Variants in RGS6 observed in about 807,000 individuals in gnomAD.
RGS6 encodes the protein regulator of G-protein signaling 6.
Under a neutral mutation model 78.5 loss-of-function variants are expected in RGS6, and 30 were observed. The ratio of observed to expected loss-of-function variants is 0.38; its 90% CI spans 0.29 to 0.52. RGS6 has a LOEUF of 0.52. Among genes scored for constraint, RGS6 ranks in the 20% least tolerant of loss-of-function variants. The pLI, the probability that RGS6 is intolerant of heterozygous loss-of-function variation, is 0.85. For missense variants in RGS6, 495 were observed against 609.7 expected (o/e 0.81, Z 1.98); for synonymous variants, 206 against 206.0 (o/e 1.00, Z 0.00).
chr14:72,145,944 G>T (rs1274420333), intron 2 of RGS6, among the ~76,000 whole-genome samples: 1 of 152,194 alleles, frequency 6.6e-6, no homozygotes, highest in Non-Finnish European at 1.5e-5. Context: ...TTTGGGAAGG[G>T]ATGGTGTCTT....
chr14:72,255,024 C>A (rs1377177999), intron 2 of RGS6, among the ~76,000 whole-genome samples: 1 of 152,174 alleles, frequency 6.6e-6, no homozygotes, highest in African/African-American at 2.4e-5. Context: ...TTGAGGCTCA[C>A]AGTTCCCTGG....
intron 2 of RGS6, among the ~76,000 whole-genome samples, chr14:72,108,072 A>G (rs539452961): frequency 5.9e-5 from 9 of 152,190 alleles, no homozygotes; most frequent in South Asian, 2.1e-4. Context: ...CGTCAATGAC[A>G]TGACACTTGG....
chr14:72,040,895 A>G (rs896126264), intron 2 of RGS6, among the ~76,000 whole-genome samples: 4 of 152,134 alleles, frequency 2.6e-5, no homozygotes, highest in African/African-American at 9.7e-5. Context: ...TGTATTCTTC[A>G]GCTCAAGAAT....
intron 2 of RGS6, among the ~76,000 whole-genome samples, chr14:72,328,694 A>G (rs570127065): frequency 2.6e-5 from 4 of 152,284 alleles, no homozygotes; most frequent in South Asian, 2.1e-4. Flanking sequence ...CCCCAAACCA[A>G]CAGAGTCCTC....
At chr14:72,298,937 T>C (rs2065466834) in intron 2 of RGS6, among the ~76,000 whole-genome samples, 2 of 152,214 alleles carry the variant, frequency 1.3e-5, no homozygotes, top group Non-Finnish European at 2.9e-5. Flanking sequence ...AGTTTGTATT[T>C]ATGAGTGAAA....
chr14:72,291,131 T>C (rs1163227856), intron 2 of RGS6, among the ~76,000 whole-genome samples: 1 of 151,938 alleles, frequency 6.6e-6, no homozygotes. Context: ...ATGTTTCAAC[T>C]CGTCATTCCC....
At chr14:72,196,547 A>G (rs2040204685) in intron 2 of RGS6, among the ~76,000 whole-genome samples, 1 of 152,138 alleles carries the variant, frequency 6.6e-6, no homozygotes, top group Admixed American at 6.5e-5. Flanking sequence ...GGTCTTCTTG[A>G]CATCCGATTT....
chr14:72,247,703 T>C (rs847247), intron 2 of RGS6, among the ~76,000 whole-genome samples: 135,905 of 152,258 alleles, frequency 0.89, 60,857 homozygotes, highest in South Asian at 0.93. Context: ...TCTGTCCTCA[T>C]AAATGGATTA....
chr14:72,111,049 A>T (rs975476833), intron 2 of RGS6, among the ~76,000 whole-genome samples: 1 of 152,090 alleles, frequency 6.6e-6, no homozygotes, highest in Non-Finnish European at 1.5e-5. Context: ...ATCAAATCTG[A>T]ACTCCACTGT....
intron 3 of RGS6, among the ~76,000 whole-genome samples, chr14:72,420,116 T>G (rs1332257858): frequency 2.6e-5 from 4 of 152,218 alleles, no homozygotes; most frequent in Admixed American, 2.6e-4. Flanking sequence ...TCACTCAGTG[T>G]ACCAAGTTCG....
Position 72,037,689 on chromosome 14 carries a change from G to A in RGS6, c.84+72814G>A, listed in dbSNP as rs371395525. ...CCTCTGCAAATTTATCAAAAACTCA[G>A]TTGGTAAAACTGTAGTTGCCCATGG... On this transcript the variant is annotated intron_variant, in intron 2 of 17. Transcript: ENST00000553525. Among the ~76,000 whole-genome samples, 700 of 128,772 alleles carry A rather than the reference G, an allele frequency of 5.4e-3. 4 individuals are homozygous for A. Among genetic ancestry groups the A allele is most frequent in the African/African-American group, 0.018 (641 of 36,160 alleles). 84.5% of individuals were successfully genotyped at this position (128,772 alleles called of 152,430 possible). A position where few individuals can be genotyped will look rare whatever the true frequency, so the allele number is the denominator to read the frequency against.
At chr14:72,573,338 CTT>C in the RGS6 span, among the ~76,000 whole-genome samples, 2 of 152,176 alleles carry the variant, frequency 1.3e-5, no homozygotes, top group Non-Finnish European at 2.9e-5. Flanking sequence ...AGTGGGAAGA[CTT>C]GGGTTCACCA....
chr14:72,363,565 G>A (rs2081914499), intron 3 of RGS6, among the ~76,000 whole-genome samples: 1 of 152,224 alleles, frequency 6.6e-6, no homozygotes, highest in Non-Finnish European at 1.5e-5. Context: ...CAAAAGATCA[G>A]AGGAAACAGT....
At chr14:72,190,587 T>C (rs2097310722) in intron 2 of RGS6, among the ~76,000 whole-genome samples, 1 of 152,194 alleles carries the variant, frequency 6.6e-6, no homozygotes, top group South Asian at 2.1e-4. Context: ...AGGCTACACC[T>C]GGACAGAGAC....
At chr14:72,593,816 C>G in the RGS6 span, among the ~76,000 whole-genome samples, 2 of 152,108 alleles carry the variant, frequency 1.3e-5, no homozygotes, top group African/African-American at 4.8e-5. Context: ...ATTGGGCCAC[C>G]CCACCTCTTC....
At chr14:71,990,568 G>A (rs2094911813) in intron 2 of RGS6, 1 of 455,692 alleles carries the variant, frequency 2.2e-6, no homozygotes, top group African/African-American at 2.0e-5. Context: ...ATCATTCCTG[G>A]GCACATTTCA....
chr14:72,484,173 A>T (rs2238179), intron 12 of RGS6, among the ~76,000 whole-genome samples: 3 of 151,874 alleles, frequency 2.0e-5, no homozygotes, highest in Admixed American at 2.0e-4. Context: ...TTAATATTCC[A>T]ATTCCAGGTC....
chr14:72,153,364 C>A (rs147383744), intron 2 of RGS6, among the ~76,000 whole-genome samples: 2,975 of 152,262 alleles, frequency 0.02, 64 homozygotes, highest in Non-Finnish European at 0.025. Context: ...TTGCACAAAG[C>A]AGAGTGTGAA....
At chr14:72,104,648 A>C (rs1172833553) in intron 2 of RGS6, among the ~76,000 whole-genome samples, 1 of 152,194 alleles carries the variant, frequency 6.6e-6, no homozygotes, top group Non-Finnish European at 1.5e-5. Context: ...GACTCCTGCA[A>C]GCTCTTCGAA....
Sources: allele counts gnomAD v4.1 joint callset (sites outside exome capture counted in the v4.1 genomes callset), GRCh38; gene constraint gnomAD v4.1.1; transcripts MANE v1.5; gene names NCBI Gene and HGNC (gene_info 2026-07-23, HGNC 2026-07-21).